Variants in PCDHA2 observed in about 807,000 individuals in gnomAD.
PCDHA2 encodes protocadherin alpha 2.
PCDHA2 carries 58 observed loss-of-function variants against 66.0 expected under a neutral mutation model. That is an observed-to-expected ratio of 0.88 (90% CI 0.71 to 1.09). The LOEUF (loss-of-function observed/expected upper bound fraction) is 1.09, where lower values mean the gene tolerates loss of function less well. PCDHA2 is among the 50% of genes least tolerant of loss of function. The pLI, the probability that PCDHA2 is intolerant of heterozygous loss-of-function variation, is 0.00. For missense variants in PCDHA2, 1,267 were observed against 1,242.3 expected (o/e 1.02, Z -0.30); for synonymous variants, 634 against 554.0 (o/e 1.14, Z -2.03).
At chr5:140,896,033 A>G (rs994719566) in intron 1 of PCDHA2, among the ~76,000 whole-genome samples, 2 of 151,874 alleles carry the variant, frequency 1.3e-5, no homozygotes, top group East Asian at 1.9e-4. Flanking sequence ...CTGGTCTCGA[A>G]CTCCTGACCT....
chr5:140,897,613 A>C (rs1252972033), intron 1 of PCDHA2, among the ~76,000 whole-genome samples: 2 of 152,052 alleles, frequency 1.3e-5, no homozygotes, highest in Non-Finnish European at 2.9e-5. Flanking sequence ...GTTGGTTCCA[A>C]GTCTTTACTA....
intron 1 of PCDHA2, among the ~76,000 whole-genome samples, chr5:140,954,810 A>C (rs1169811573): frequency 6.6e-6 from 1 of 151,948 alleles, no homozygotes; most frequent in Non-Finnish European, 1.5e-5. Context: ...CTTTTGTTGA[A>C]ATTGCTTTAG....
At chr5:140,854,190 A>G (rs2043033379) in intron 1 of PCDHA2, 1 of 648,948 alleles carries the variant, frequency 1.5e-6, no homozygotes, top group Non-Finnish European at 1.9e-6. Context: ...TAGTTTAACT[A>G]CTCCCTACTT....
chr5:141,000,468 C>T (rs2097940295), intron 3 of PCDHA2, among the ~76,000 whole-genome samples: 1 of 107,380 alleles, frequency 9.3e-6, no homozygotes, highest in Non-Finnish European at 1.8e-5. Context: ...GCTCTTGTTG[C>T]CCAAGCTGGA....
At position 141,010,553 on chromosome 5, in the gene PCDHA2, C is replaced by T; in HGVS notation, c.*616C>T. ...CCACCCTCTAGGAGACAAAACTACC[C>T]CCACTGACAAGGCTTTAGGAGACCC... is the stretch of plus-strand genomic sequence containing the variant. On this transcript the variant is annotated 3_prime_UTR_variant, in exon 4 of 4. Transcript: ENST00000526136. The T allele has an allele frequency of 6.2e-6, 2 of 323,850 alleles. No homozygotes were observed. The highest frequency in any genetic ancestry group is 1.1e-5 in the Non-Finnish European group (2 of 176,368). 20.1% of individuals were successfully genotyped at this position (323,850 alleles called of 1,614,324 possible). A position where few individuals can be genotyped will look rare whatever the true frequency, so the allele number is the denominator to read the frequency against.
At position 140,841,226 on chromosome 5, in the gene PCDHA2, G is replaced by A. The variant is rs2150312161; in HGVS notation, c.2388+43874G>A. 1.1e-5 allele frequency: 16 copies of A among 1,452,002 alleles called. 1 individual carries two copies. Among genetic ancestry groups the A allele is most frequent in the Non-Finnish European group, 1.5e-5 (16 of 1,077,992 alleles). The allele number at this position is 1,452,002 out of a possible 1,614,324, so 89.9% of individuals were successfully genotyped here. On this transcript the variant is annotated intron_variant, in intron 1 of 3. Transcript: ENST00000526136. The stretch of plus-strand genomic sequence containing the variant: ...CATCTGTCTCTAAAGGCCGAACAAC[G>A]GGAGATGCAGCGGAATTGGATTAAA...
At position 140,845,853 on chromosome 5, in the gene PCDHA2, A is replaced by G. The variant is rs2150381879; in HGVS notation, c.2388+48501A>G. 1.3e-5 allele frequency among the ~76,000 whole-genome samples: 2 copies of G among 149,864 alleles called. 1 individual carries two copies. Among genetic ancestry groups the G allele is most frequent in the Non-Finnish European group, 3.0e-5 (2 of 66,956 alleles). ...TACCATTCTTAAGAGAAAAGAAGTT[A>G]GTGATTGCAGAAAGGCAACCTAAAA... On this transcript the variant is annotated intron_variant, in intron 1 of 3. Coordinates refer to ENST00000526136, the MANE Select transcript of PCDHA2 (RefSeq NM_018905.3).
rs117279546 is a variant in PCDHA2 at position 140,845,433 on chromosome 5, T to C, written c.2388+48081T>C. On this transcript the variant is annotated intron_variant, in intron 1 of 3. Coordinates refer to ENST00000526136, the MANE Select transcript of PCDHA2 (RefSeq NM_018905.3). ...TGGCAATTTATCATTTAAGTCATTT[T>C]AGTTCTGTTTTTCTTCAACTCTCTG... Among the ~76,000 whole-genome samples the C allele has an allele frequency of 1.1e-4, 16 of 149,790 alleles. No individual in the cohort carries two copies. In the East Asian group the frequency reaches 2.1e-3, roughly 20 times the overall value.
chr5:140,830,183 G>C, intron 1 of PCDHA2: 1 of 1,613,640 alleles, frequency 6.2e-7, no homozygotes, highest in Non-Finnish European at 8.5e-7. Flanking sequence ...GGATGTCAAC[G>C]TGTACCTGAT....
At chr5:140,949,663 T>C (rs1038571728) in intron 1 of PCDHA2, among the ~76,000 whole-genome samples, 2 of 151,872 alleles carry the variant, frequency 1.3e-5, no homozygotes, top group Non-Finnish European at 3.0e-5. Flanking sequence ...TTTGTTTCTT[T>C]AAAGTATGCC....
intron 3 of PCDHA2, among the ~76,000 whole-genome samples, chr5:140,995,361 G>C (rs567350687): frequency 1.1e-3 from 168 of 152,090 alleles, no homozygotes; most frequent in African/African-American, 3.4e-3. Flanking sequence ...TCGGACAGAG[G>C]GATGATTCAC....
intron 1 of PCDHA2, chr5:140,805,340 T>G (rs1435472506): frequency 8.2e-7 from 1 of 1,225,896 alleles, no homozygotes; most frequent in Non-Finnish European, 1.0e-6. Flanking sequence ...TCAATGATCA[T>G]TTTGTAAAAA....
intron 1 of PCDHA2, chr5:140,807,586 C>T (rs782149681): frequency 1.9e-6 from 3 of 1,614,152 alleles, no homozygotes; most frequent in Non-Finnish European, 2.5e-6. Context: ...CGCCGGTGTT[C>T]CCAGCAACAC....
chr5:140,850,776 G>A (rs2150497794), intron 1 of PCDHA2: 1 of 1,598,166 alleles, frequency 6.3e-7, no homozygotes, highest in South Asian at 1.1e-5. Context: ...GGTGTGCTCT[G>A]GCGAGGGTAA....
intron 2 of PCDHA2, among the ~76,000 whole-genome samples, chr5:140,981,149 G>T (rs2096919822): frequency 6.6e-6 from 1 of 152,202 alleles, no homozygotes; most frequent in South Asian, 2.1e-4. Flanking sequence ...AGAAAACATT[G>T]AACTTATATG....
At chr5:140,967,919 G>A (rs1554230110) in intron 1 of PCDHA2, 1 of 1,614,212 alleles carries the variant, frequency 6.2e-7, no homozygotes, top group South Asian at 1.1e-5. Flanking sequence ...CACCATTGTG[G>A]CCGTTCTCAG....
At chr5:140,918,515 T>C (rs1000500676) in intron 1 of PCDHA2, among the ~76,000 whole-genome samples, 1 of 152,224 alleles carries the variant, frequency 6.6e-6, no homozygotes, top group African/African-American at 2.4e-5. Flanking sequence ...TTTAAACTTA[T>C]TGAGGATTGT....
intron 1 of PCDHA2, chr5:140,807,575 C>A: frequency 3.7e-6 from 6 of 1,614,164 alleles, no homozygotes; most frequent in Non-Finnish European, 2.5e-6. Context: ...TAACGATAAC[C>A]CGCCGGTGTT....
intron 1 of PCDHA2, among the ~76,000 whole-genome samples, chr5:140,881,010 T>C (rs782629592): frequency 5.3e-5 from 8 of 152,198 alleles, no homozygotes; most frequent in South Asian, 4.1e-4. Flanking sequence ...AGCAGAGCTA[T>C]GGAAATAAAC....
Sources: allele counts gnomAD v4.1 joint callset (sites outside exome capture counted in the v4.1 genomes callset), GRCh38; gene constraint gnomAD v4.1.1; transcripts MANE v1.5; gene names NCBI Gene and HGNC (gene_info 2026-07-23, HGNC 2026-07-21).